The following PTPRD variants were observed in gnomAD, a reference collection of about 807,000 sequenced individuals.
The protein encoded by PTPRD is receptor-type tyrosine-protein phosphatase delta.
In PTPRD, 34 loss-of-function variants were observed where a neutral mutation model predicts 214.5. The observed-to-expected ratio is 0.16, with a 90% CI of 0.12 to 0.21. The LOEUF (loss-of-function observed/expected upper bound fraction) is 0.21, where lower values mean the gene tolerates loss of function less well. Ranked by LOEUF, PTPRD falls within the 10% of genes least tolerant of loss-of-function variation. The pLI, the probability that PTPRD is intolerant of heterozygous loss-of-function variation, is 1.00. For synonymous variants in PTPRD, 1,128 were observed against 845.7 expected (o/e 1.33, Z -5.79); for missense variants, 2,545 against 2,398.7 (o/e 1.06, Z -1.27).
At chr9:10,278,162 C>CAAAAAAAAAAA (rs1564968775) in intron 3 of PTPRD, among the ~76,000 whole-genome samples, 5 of 146,052 alleles carry the variant, frequency 3.4e-5, no homozygotes, top group African/African-American at 1.3e-4. Flanking sequence ...TCTCAAAAAA[C>CAAAAAAAAAAA]AAAACAAAAC....
chr9:8,468,684 C>G (rs1277873281), intron 31 of PTPRD, among the ~76,000 whole-genome samples: 3 of 151,310 alleles, frequency 2.0e-5, no homozygotes, highest in African/African-American at 7.3e-5. Context: ...GAATTATAGG[C>G]CTTTCTGAAA....
intron 11 of PTPRD, among the ~76,000 whole-genome samples, chr9:8,783,734 T>C (rs761103004): frequency 6.6e-5 from 10 of 152,216 alleles, no homozygotes; most frequent in Non-Finnish European, 1.3e-4. Context: ...ATTGCAGTAC[T>C]GGTCTGATGG....
At chr9:9,548,931 C>T (rs1380353070) in intron 8 of PTPRD, among the ~76,000 whole-genome samples, 3 of 152,074 alleles carry the variant, frequency 2.0e-5, no homozygotes, top group Non-Finnish European at 4.4e-5. Flanking sequence ...TTATTTTTCA[C>T]TCTTGCTCTC....
At chr9:10,205,726 A>G (rs2099470811) in intron 3 of PTPRD, among the ~76,000 whole-genome samples, 1 of 152,162 alleles carries the variant, frequency 6.6e-6, no homozygotes, top group South Asian at 2.1e-4. Context: ...CCTAAATAAT[A>G]GCAATACAGT....
At chr9:8,401,606 T>C (rs2130237877) in intron 36 of PTPRD, among the ~76,000 whole-genome samples, 1 of 152,270 alleles carries the variant, frequency 6.6e-6, no homozygotes, top group African/African-American at 2.4e-5. Flanking sequence ...AGTGTCACTA[T>C]TTTCAAAAAG....
At chr9:8,909,577 A>G (rs78832414) in intron 11 of PTPRD, among the ~76,000 whole-genome samples, 5,022 of 152,280 alleles carry the variant, frequency 0.033, 268 homozygotes, top group African/African-American at 0.11. Context: ...CAACAAACTA[A>G]GCAAATAAGG....
chr9:9,838,207 T>C (rs1014387457), intron 5 of PTPRD, among the ~76,000 whole-genome samples: 1 of 152,212 alleles, frequency 6.6e-6, no homozygotes, highest in African/African-American at 2.4e-5. Context: ...TTTGCTATTG[T>C]GAATAGTGCT....
intron 39 of PTPRD, among the ~76,000 whole-genome samples, chr9:8,371,523 T>G (rs4742489): frequency 0.93 from 141,730 of 152,018 alleles, 66,104 homozygotes; most frequent in African/African-American, 0.96. Context: ...TGTGGGAAGA[T>G]AAATGGGGAA....
chr9:10,221,679 A>G (rs1231242534), intron 3 of PTPRD, among the ~76,000 whole-genome samples: 1 of 152,016 alleles, frequency 6.6e-6, no homozygotes, highest in Non-Finnish European at 1.5e-5. Flanking sequence ...TGTATTTTTA[A>G]GAAGCATTAA....
intron 2 of PTPRD, among the ~76,000 whole-genome samples, chr9:10,552,762 A>G (rs2061617662): frequency 6.6e-6 from 1 of 152,022 alleles, no homozygotes; most frequent in Non-Finnish European, 1.5e-5. Context: ...CTGCTCTCCC[A>G]TGGAAAGAAA....
chr9:9,059,083 T>C (rs762215798), intron 10 of PTPRD, among the ~76,000 whole-genome samples: 7 of 151,978 alleles, frequency 4.6e-5, no homozygotes, highest in Non-Finnish European at 8.8e-5. Flanking sequence ...ACTGAAAGTT[T>C]GGAACAGAGG....
At position 8,518,119 on chromosome 9, in the gene PTPRD, G is replaced by C. The variant is rs745457887; in HGVS notation, c.1272C>G (p.Val424=). The part of the protein sequence containing the change: ...EQAPSSAPRD[V]QARMLSSTTI... ...TGGTCGAACTCAACATTCGTGCCTG[G>C]ACATCCCTCGGGGCACTGGATGGTG... The change falls in exon 21 of 46, where the codon GTC becomes GTG. Residue 424 remains valine (V), a synonymous_variant. Coordinates refer to ENST00000381196, the MANE Select transcript of PTPRD (RefSeq NM_002839.4). 6.2e-7 allele frequency: 1 copy of C among 1,614,154 alleles called. No individual in the cohort carries two copies. The highest frequency in any genetic ancestry group is 8.5e-7 in the Non-Finnish European group (1 of 1,180,020).
Position 8,528,648 on chromosome 9 carries a change from C to T in PTPRD, c.484G>A (p.Asp162Asn). Residue 162 changes from aspartate to asparagine, a missense_variant, in exon 15 of 46, where the codon GAT becomes AAT. Transcript: ENST00000381196. ...NPDPEITWFK[D>N]FLPVDTSNNN... is the part of the protein sequence containing the mutation. The stretch of plus-strand genomic sequence containing the variant: ...TTGCTTGTGTCCACAGGTAAGAAAT[C>T]TTTAAACCAAGTGATTTCTGGATCC... 1 of 1,613,690 alleles carries T rather than the reference C, an allele frequency of 6.2e-7. No homozygotes were observed. The highest frequency in any genetic ancestry group is 8.5e-7 in the Non-Finnish European group (1 of 1,179,756).
intron 4 of PTPRD, among the ~76,000 whole-genome samples, chr9:9,954,302 A>G (rs907185682): frequency 0.027 from 3,813 of 141,228 alleles, 98 homozygotes; most frequent in Admixed American, 0.1. Flanking sequence ...CAAAACAAAA[A>G]AAAAAAAAAA....
At chr9:8,439,457 C>T (rs1350017244) in intron 34 of PTPRD, among the ~76,000 whole-genome samples, 2 of 152,152 alleles carry the variant, frequency 1.3e-5, no homozygotes, top group Non-Finnish European at 2.9e-5. Context: ...GGAGAGAGTA[C>T]TTACTTTTTA....
At chr9:9,367,856 G>C (rs1295196819) in intron 9 of PTPRD, among the ~76,000 whole-genome samples, 2 of 151,618 alleles carry the variant, frequency 1.3e-5, no homozygotes, top group African/African-American at 4.8e-5. Context: ...TATGTATTCT[G>C]TTCCTAGAAT....
At chr9:8,434,135 A>G (rs2095240433) in intron 35 of PTPRD, among the ~76,000 whole-genome samples, 1 of 152,146 alleles carries the variant, frequency 6.6e-6, no homozygotes, top group South Asian at 2.1e-4. Context: ...GGCACACGCC[A>G]CCACGCCTGG....
rs371793272 is a variant in PTPRD at position 9,199,649 on chromosome 9, T to C, written c.-202-16286A>G. On this transcript the variant is annotated intron_variant, in intron 9 of 45. Transcript: ENST00000381196. Reference sequence around the variant, plus strand: ...GAAAGATGAATATAAATAGGTTAAATAGAATTTTAAATATATTTCAGAAAT... The same window carrying C: ...GAAAGATGAATATAAATAGGTTAAACAGAATTTTAAATATATTTCAGAAAT... 3.9e-5 allele frequency among the ~76,000 whole-genome samples: 6 copies of C among 152,194 alleles called. No homozygotes were observed. In the East Asian group the frequency reaches 7.7e-4, roughly 20 times the overall value.
intron 30 of PTPRD, among the ~76,000 whole-genome samples, chr9:8,476,635 A>ATT (rs1025914171): frequency 6.6e-5 from 10 of 152,296 alleles, no homozygotes; most frequent in Admixed American, 5.9e-4. Context: ...TCTATGAACC[A>ATT]TTTTTAATCT....
Sources: gnomAD v4.1 joint callset for allele counts (sites outside exome capture counted in the v4.1 genomes callset) on GRCh38, gnomAD v4.1.1 for gene constraint, MANE v1.5 for transcripts, NCBI Gene and HGNC (gene_info 2026-07-23, HGNC 2026-07-21) for gene names.